PDGFB: variants seen among roughly 807,000 people sequenced by gnomAD.
The protein encoded by PDGFB is platelet-derived growth factor subunit B.
A neutral mutation model predicts 29.0 loss-of-function variants in PDGFB; 6 were observed. The ratio of observed to expected loss-of-function variants is 0.21; its 90% CI spans 0.11 to 0.41. The LOEUF (loss-of-function observed/expected upper bound fraction) is 0.41. Ranked by LOEUF, PDGFB falls within the 10% of genes least tolerant of loss-of-function variation. The pLI, the probability that PDGFB is intolerant of heterozygous loss-of-function variation, is 1.00. For synonymous variants in PDGFB, 144 were observed against 140.8 expected, an observed-to-expected ratio of 1.02 and a Z score of -0.16; for missense variants, 299 against 341.8, an observed-to-expected ratio of 0.87 and a Z score of 0.99.
intron 3 of PDGFB, among the ~76,000 whole-genome samples, chr22:39,232,304 C>T (rs1932328432): frequency 6.6e-6 from 1 of 152,214 alleles, no homozygotes; most frequent in Non-Finnish European, 1.5e-5. Context: ...CAGCTTCCTC[C>T]TCTATGAAAT....
At position 39,223,693 on chromosome 22, in the gene PDGFB, G is replaced by C. The variant is rs574711154; in HGVS notation, c.*1649C>G. The C allele has an allele frequency of 6.5e-6, 1 of 152,856 alleles. No homozygotes were observed. Among genetic ancestry groups the C allele is most frequent in the South Asian group, 2.1e-4 (1 of 4,826 alleles). The allele number at this position is 152,856 out of a possible 1,614,324, so 9.5% of individuals were successfully genotyped here. On this transcript the variant is annotated 3_prime_UTR_variant, in exon 7 of 7. Coordinates refer to ENST00000331163, the MANE Select transcript of PDGFB (RefSeq NM_002608.4). ...ACCTCCGGCGGATTCATTTGGTTTTGTTTTGTGGTTATTTTTTTTTACAAC... is the reference window on the plus strand; with the variant it reads ...ACCTCCGGCGGATTCATTTGGTTTTCTTTTGTGGTTATTTTTTTTTACAAC...
rs1311625495 is a variant in PDGFB at position 39,231,319 on chromosome 22, A to G, written c.456+303T>C. On this transcript the variant is annotated intron_variant, in intron 4 of 6. Coordinates refer to ENST00000331163, the MANE Select transcript of PDGFB (RefSeq NM_002608.4). The surrounding 1 kb of genome is among the most constrained non-coding windows in gnomAD (Gnocchi z 4.3). ...GGACGTTTTGCGATTTTGTCCTTGT[A>G]AAGGAGGTGACATCCCTACTTCACG... Among the ~76,000 whole-genome samples, 1 of 152,154 alleles carries G rather than the reference A, an allele frequency of 6.6e-6. No homozygotes were observed. The highest frequency in any genetic ancestry group is 2.4e-5 in the African/African-American group (1 of 41,430).
intron 4 of PDGFB, among the ~76,000 whole-genome samples, chr22:39,230,453 C>T (rs1011768082): frequency 4.6e-5 from 7 of 152,214 alleles, no homozygotes; most frequent in African/African-American, 1.4e-4. Context: ...CGACCTGGGG[C>T]CCCCCTCAGT....
At chr22:39,233,590 G>C (rs1226857230) in intron 2 of PDGFB, 66 bp from the exon 3 acceptor site, 1 of 1,170,974 alleles carries the variant, frequency 8.5e-7, no homozygotes, top group East Asian at 2.6e-5. Flanking sequence ...CTCCGCCGGG[G>C]TGTCTGGGCA....
At chr22:39,235,311 C>T (rs534709071) in intron 2 of PDGFB, among the ~76,000 whole-genome samples, 2 of 152,200 alleles carry the variant, frequency 1.3e-5, no homozygotes, top group Admixed American at 6.5e-5. Context: ...CACGTGTGTG[C>T]CACCGAGCAC....
rs1932643854 is a variant in PDGFB at position 39,244,373 on chromosome 22, C to T, written c.-410G>A. 5.2e-6 allele frequency: 1 copy of T among 193,684 alleles called. No homozygotes were observed. The highest frequency in any genetic ancestry group is 1.1e-5 in the Non-Finnish European group (1 of 92,704). 12.0% of individuals were successfully genotyped at this position (193,684 alleles called of 1,614,324 possible). ...TCACTCGCCGGCTACAGGCGTTTTCCTCTGCCCGCCGGCTTAGCTTTTTTG... is the reference window on the plus strand; with the variant it reads ...TCACTCGCCGGCTACAGGCGTTTTCTTCTGCCCGCCGGCTTAGCTTTTTTG... On this transcript the variant is annotated 5_prime_UTR_variant, in exon 1 of 7. Transcript: ENST00000331163. This position sits in a 1 kb window ranked among gnomAD's most constrained non-coding sequence, Gnocchi z 4.5.
At chr22:39,241,510 C>T (rs1462692308) in intron 1 of PDGFB, among the ~76,000 whole-genome samples, 2 of 152,216 alleles carry the variant, frequency 1.3e-5, no homozygotes, top group Non-Finnish European at 2.9e-5. Context: ...TTCAAGAATG[C>T]TGTGACTAAA....
At position 39,227,086 on chromosome 22, in the gene PDGFB, G is replaced by A. The variant is rs540033355; in HGVS notation, c.602-1239C>T. ...TGATTCTCCTGCCTCAGCCTCCCGA[G>A]TAGCTGGGATTACAGGCATGCACCA... On this transcript the variant is annotated intron_variant, in intron 5 of 6. Transcript: ENST00000331163. Among the ~76,000 whole-genome samples the A allele has an allele frequency of 8.5e-5, 13 of 152,340 alleles. No homozygotes were observed. In the South Asian group the frequency reaches 2.7e-3, roughly 32 times the overall value.
intron 3 of PDGFB, among the ~76,000 whole-genome samples, chr22:39,233,121 A>T (rs1932351242): frequency 1.3e-5 from 2 of 152,038 alleles, no homozygotes; most frequent in Admixed American, 6.6e-5. Context: ...CTAGTTCTTT[A>T]CCCTCTCTGG....
intron 1 of PDGFB, among the ~76,000 whole-genome samples, chr22:39,239,095 A>G (rs541073527): frequency 6.6e-6 from 1 of 152,290 alleles, no homozygotes; most frequent in East Asian, 1.9e-4. Context: ...GCCCGGGGTT[A>G]CTGGGAGGCA....
chr22:39,241,322 G>A (rs1224513595), intron 1 of PDGFB, among the ~76,000 whole-genome samples: 2 of 152,216 alleles, frequency 1.3e-5, no homozygotes, highest in Non-Finnish European at 2.9e-5. Flanking sequence ...TCCACCAGCA[G>A]GCCTGCCCTG....
intron 1 of PDGFB, chr22:39,241,211 G>A (rs898730928): frequency 2.6e-5 from 12 of 466,854 alleles, no homozygotes; most frequent in African/African-American, 1.7e-4. Flanking sequence ...CACCTCAGAG[G>A]CCTCGGCAGG....
At chr22:39,227,132 T>C (rs1163362271) in intron 5 of PDGFB, among the ~76,000 whole-genome samples, 1 of 152,212 alleles carries the variant, frequency 6.6e-6, no homozygotes, top group Non-Finnish European at 1.5e-5. Flanking sequence ...TTAATTTTTG[T>C]ATTTTTAGTA....
In PDGFB at chr22:39,244,687, G is replaced by T. The variant is rs1275266985; in HGVS notation, c.-724C>A. The T allele has an allele frequency of 5.7e-6, 1 of 175,942 alleles. No homozygotes were observed. The highest frequency in any genetic ancestry group is 2.4e-5 in the African/African-American group (1 of 41,818). The allele number at this position is 175,942 out of a possible 1,614,324, so 10.9% of individuals were successfully genotyped here. Reference sequence around the variant, plus strand: ...GGACGCGGCGCGAGTCCGTCGGTCCGTCTGCCCGCCCGCTCGCCGCTCTGG... The same window carrying T: ...GGACGCGGCGCGAGTCCGTCGGTCCTTCTGCCCGCCCGCTCGCCGCTCTGG... On this transcript the variant is annotated 5_prime_UTR_variant, in exon 1 of 7. Coordinates refer to ENST00000331163, the MANE Select transcript of PDGFB (RefSeq NM_002608.4). This position sits in a 1 kb window ranked among gnomAD's most constrained non-coding sequence, Gnocchi z 4.5.
At chr22:39,230,046 G>T in intron 5 of PDGFB, 38 bp downstream of exon 5, 1 of 1,604,902 alleles carries the variant, frequency 6.2e-7, no homozygotes. Flanking sequence ...CTGCTGCAGG[G>T]GAAGGGGGCT....
chr22:39,231,957 A>G lies in PDGFB; in HGVS notation c.251-130T>C. ...CTTCAACCCCAGGGTTCAGGTTTCA[A>G]GTCCTGGCTGTCATTAGCCATGGGA... is the stretch of plus-strand genomic sequence containing the variant. On this transcript the variant is annotated intron_variant, in intron 3 of 6. Coordinates refer to ENST00000331163, the MANE Select transcript of PDGFB (RefSeq NM_002608.4). The surrounding 1 kb of genome is among the most constrained non-coding windows in gnomAD (Gnocchi z 4.3). 1 of 724,892 alleles carries G rather than the reference A, an allele frequency of 1.4e-6. No homozygotes were observed. Among genetic ancestry groups the G allele is most frequent in the Non-Finnish European group, 2.2e-6 (1 of 444,952 alleles). The allele number at this position is 724,892 out of a possible 1,614,324, so 44.9% of individuals were successfully genotyped here.
rs751833096 is a variant in PDGFB, at chr22:39,235,827, C to T, written c.111G>A (p.Ser37=). The T allele has an allele frequency of 2.8e-5, 45 of 1,613,898 alleles. No individual in the cohort carries two copies. Among genetic ancestry groups the T allele is most frequent in the African/African-American group, 1.3e-4 (10 of 74,942 alleles). The part of the protein sequence containing the change: ...EELYEMLSDH[S]IRSFDDLQRL... ...GTTGGAGATCATCAAAGGAGCGGAT[C>T]GAGTGGTCACTCAGCATCTCATAAA... The change falls in exon 2 of 7, where the codon TCG becomes TCA. Residue 37 remains serine, a synonymous_variant. Coordinates refer to ENST00000331163, the MANE Select transcript of PDGFB (RefSeq NM_002608.4).
At chr22:39,237,270 C>T (rs1932467738) in intron 1 of PDGFB, among the ~76,000 whole-genome samples, 1 of 145,808 alleles carries the variant, frequency 6.9e-6, no homozygotes, top group African/African-American at 2.6e-5. Flanking sequence ...CCACCCACAT[C>T]GATCCAGGAG....
chr22:39,230,047 G>C, intron 5 of PDGFB, 37 bp downstream of exon 5: 1 of 1,605,600 alleles, frequency 6.2e-7, no homozygotes, highest in Non-Finnish European at 8.5e-7. Context: ...TGCTGCAGGG[G>C]AAGGGGGCTG....
Sources: allele counts gnomAD v4.1 joint callset (sites outside exome capture counted in the v4.1 genomes callset), GRCh38; gene constraint gnomAD v4.1.1; non-coding constraint Gnocchi (gnomAD v3.1); transcripts MANE v1.5; gene names NCBI Gene and HGNC (gene_info 2026-07-23, HGNC 2026-07-21).